JCHAIN: variants seen among roughly 807,000 people sequenced by gnomAD.
JCHAIN encodes the protein joining chain of multimeric IgA and IgM.
JCHAIN carries 5 observed loss-of-function variants against 11.1 expected under a neutral mutation model. The observed-to-expected ratio is 0.45, with a 90% CI of 0.24 to 0.95. The LOEUF (loss-of-function observed/expected upper bound fraction) is 0.95. Ranked by LOEUF, JCHAIN falls within the 40% of genes least tolerant of loss-of-function variation. The pLI, the probability that JCHAIN is intolerant of heterozygous loss-of-function variation, is 0.21. For missense variants in JCHAIN, 165 were observed against 192.7 expected (o/e 0.86, Z 0.85); for synonymous variants, 51 against 67.8 (o/e 0.75, Z 1.22).
rs1468555119 is a variant in JCHAIN, at chr4:70,656,156, A to G, written c.*173T>C. On this transcript the variant is annotated 3_prime_UTR_variant, in exon 4 of 4. Transcript: ENST00000254801. Reference sequence around the variant, plus strand: ...TAATTAAGAAGTGATTACCTAATAAAGATAACAATGTGACTATTTTAATTA... The same window carrying G: ...TAATTAAGAAGTGATTACCTAATAAGGATAACAATGTGACTATTTTAATTA... The G allele has an allele frequency of 1.0e-5, 6 of 599,074 alleles. No individual in the cohort carries two copies. In the South Asian group the frequency reaches 1.3e-4, roughly 13 times the overall value. 37.1% of individuals were successfully genotyped at this position (599,074 alleles called of 1,614,324 possible). A position where few individuals can be genotyped will look rare whatever the true frequency, so the allele number is the denominator to read the frequency against.
At position 70,666,420 on chromosome 4, in the gene JCHAIN, C is replaced by T. The variant is rs972452200; in HGVS notation, c.64+7G>A. ...TGATCTGGGATCATTTTCTAAATAT[C>T]ACATACCTTTCACATGAACAGCCTT... On this transcript the variant is annotated splice_region_variant and intron_variant, in intron 1 of 3. Coordinates refer to ENST00000254801, the MANE Select transcript of JCHAIN (RefSeq NM_144646.4). 1 of 1,592,942 alleles carries T rather than the reference C, an allele frequency of 6.3e-7. No individual in the cohort carries two copies. The highest frequency in any genetic ancestry group is 1.7e-5 in the Admixed American group (1 of 59,972).
chr4:70,662,845 G>A (rs1461757673), intron 1 of JCHAIN, among the ~76,000 whole-genome samples: 1 of 151,866 alleles, frequency 6.6e-6, no homozygotes, highest in Non-Finnish European at 1.5e-5. Context: ...TGTAGTCCCA[G>A]CTACTCAAGA....
intron 1 of JCHAIN, among the ~76,000 whole-genome samples, chr4:70,662,633 T>C (rs900487228): frequency 6.6e-6 from 1 of 152,308 alleles, no homozygotes. Flanking sequence ...TCATAGTACA[T>C]GATTCAATTT....
chr4:70,661,374 T>C (rs1739055982), intron 2 of JCHAIN, among the ~76,000 whole-genome samples: 1 of 152,236 alleles, frequency 6.6e-6, no homozygotes, highest in Admixed American at 6.5e-5. Flanking sequence ...CTTATCTCGA[T>C]GCAGACATCT....
rs914598171 is a variant in JCHAIN, at chr4:70,662,089, T to C, written c.188+3A>G. 1 of 1,613,428 alleles carries C rather than the reference T, an allele frequency of 6.2e-7. No homozygotes were observed. The highest frequency in any genetic ancestry group is 8.5e-7 in the Non-Finnish European group (1 of 1,179,674). On this transcript the variant is annotated splice_donor_region_variant and intron_variant, in intron 2 of 3. Coordinates refer to ENST00000254801, the MANE Select transcript of JCHAIN (RefSeq NM_144646.4). The stretch of plus-strand genomic sequence containing the variant: ...AAAAAAAGGAATATGGAATGCCACA[T>C]ACATAATTCGGATGTTTCTCTCCAC...
At chr4:70,666,283 T>A (rs2148529820) in intron 1 of JCHAIN, 144 bp downstream of exon 1, 1 of 592,740 alleles carries the variant, frequency 1.7e-6, no homozygotes, top group Non-Finnish European at 3.0e-6. Context: ...TAAAGACAAC[T>A]GCCATAGAAA....
Position 70,656,266 on chromosome 4 carries a change from C to A in JCHAIN, c.*63G>T. 5 of 1,127,838 alleles carry A rather than the reference C, an allele frequency of 4.4e-6. No homozygotes were observed. The highest frequency in any genetic ancestry group is 5.2e-6 in the Non-Finnish European group (4 of 764,930). The allele number at this position is 1,127,838 out of a possible 1,614,324, so 69.9% of individuals were successfully genotyped here. On this transcript the variant is annotated 3_prime_UTR_variant, in exon 4 of 4. Coordinates refer to ENST00000254801, the MANE Select transcript of JCHAIN (RefSeq NM_144646.4). ...AATTCATTGGTAATAAATATGCTAA[C>A]TTTCTGAATCAAAATGGAGAGCCTC...
Position 70,666,459 on chromosome 4 carries a change from A to G in JCHAIN, c.32T>C (p.Leu11Pro), listed in dbSNP as rs750151829. Residue 11 changes from leucine to proline, a missense_variant, in exon 1 of 4, where the codon CTG (leucine) becomes CCG (proline). Transcript: ENST00000254801. MKNHLLFWGV[L>P]AVFIKAVHVK... ...ATGAACAGCCTTAATAAAAACCGCC[A>G]GGACTCCCCAGAAAAGCAAATGGTT... 5 of 1,613,172 alleles carry G rather than the reference A, an allele frequency of 3.1e-6. No individual in the cohort carries two copies.
intron 1 of JCHAIN, 30 bp downstream of exon 1, chr4:70,666,397 A>G: frequency 6.6e-7 from 1 of 1,509,530 alleles, no homozygotes; most frequent in Non-Finnish European, 9.2e-7. Context: ...TTTTCCTTTG[A>G]TCTGGGATCA....
intron 2 of JCHAIN, among the ~76,000 whole-genome samples, chr4:70,660,636 G>A (rs1739036654): frequency 6.6e-6 from 1 of 151,972 alleles, no homozygotes; most frequent in Non-Finnish European, 1.5e-5. Flanking sequence ...CACCCGCCTC[G>A]GCCTCCCAAA....
At position 70,658,525 on chromosome 4, in the gene JCHAIN, A is replaced by G. The variant is rs186633291; in HGVS notation, c.189-1234T>C. On this transcript the variant is annotated intron_variant, in intron 2 of 3. Coordinates refer to ENST00000254801, the MANE Select transcript of JCHAIN (RefSeq NM_144646.4). Reference sequence around the variant, plus strand: ...ACGTACCATGCTTTTCTCATCTCCCATCTTAACAATAACAGTTCTAACATA... The same window carrying G: ...ACGTACCATGCTTTTCTCATCTCCCGTCTTAACAATAACAGTTCTAACATA... 1.3e-5 allele frequency among the ~76,000 whole-genome samples: 2 copies of G among 152,268 alleles called. 1 individual carries two copies. The highest frequency in any genetic ancestry group is 4.8e-5 in the African/African-American group (2 of 41,558).
intron 1 of JCHAIN, 94 bp downstream of exon 1, chr4:70,666,333 C>T (rs1350855197): frequency 3.6e-6 from 3 of 826,786 alleles, no homozygotes; most frequent in Non-Finnish European, 5.8e-6. Context: ...GCTAACTGGC[C>T]AACCAAAGCA....
At chr4:70,659,132 A>G (rs2148527886) in intron 2 of JCHAIN, among the ~76,000 whole-genome samples, 1 of 152,322 alleles carries the variant, frequency 6.6e-6, no homozygotes, top group Non-Finnish European at 1.5e-5. Context: ...ACAACCCTAT[A>G]AAGTATATGT....
At chr4:70,661,516 G>A (rs886852176) in intron 2 of JCHAIN, among the ~76,000 whole-genome samples, 11 of 152,168 alleles carry the variant, frequency 7.2e-5, no homozygotes, top group Non-Finnish European at 1.2e-4. Context: ...TTGGCCAGGC[G>A]TGGTGGTTCA....
At chr4:70,659,508 C>G (rs1306045179) in intron 2 of JCHAIN, among the ~76,000 whole-genome samples, 1 of 124,156 alleles carries the variant, frequency 8.1e-6, no homozygotes, top group Non-Finnish European at 1.6e-5. Flanking sequence ...CAAGATCATG[C>G]TACTGCACTC....
At chr4:70,660,432 G>C (rs1399836632) in intron 2 of JCHAIN, among the ~76,000 whole-genome samples, 1 of 149,326 alleles carries the variant, frequency 6.7e-6, no homozygotes, top group Non-Finnish European at 1.5e-5. Context: ...CCAGGCTGGA[G>C]TGCAGCAATG....
rs35627461 is a variant in JCHAIN at position 70,659,549 on chromosome 4, CAAAAAAAA to C, written c.189-2266_189-2259del. ...TGGGCAACAGAGTGAGACTCTGTCT[CAAAAAAAA>C]AAAAAAAAAAAAAAAAAAAAAAAGC... is the stretch of plus-strand genomic sequence containing the variant. On this transcript the variant is annotated intron_variant, in intron 2 of 3. Coordinates refer to ENST00000254801, the MANE Select transcript of JCHAIN (RefSeq NM_144646.4). 7.9e-4 allele frequency among the ~76,000 whole-genome samples: 13 copies of C among 16,552 alleles called. No homozygotes were observed. The East Asian group carries it at 0.018, about 23-fold the overall frequency. 10.9% of individuals were successfully genotyped at this position (16,552 alleles called of 152,430 possible). A position where few individuals can be genotyped will look rare whatever the true frequency, so the allele number is the denominator to read the frequency against.
chr4:70,657,495 A>G (rs6815323), intron 2 of JCHAIN, among the ~76,000 whole-genome samples: 6,127 of 152,244 alleles, frequency 0.04, 409 homozygotes, highest in African/African-American at 0.14. Context: ...AAACCTCACA[A>G]CAACTCCGCT....
chr4:70,664,714 A>C (rs1739120036), intron 1 of JCHAIN, among the ~76,000 whole-genome samples: 1 of 152,198 alleles, frequency 6.6e-6, no homozygotes, highest in South Asian at 2.1e-4. Flanking sequence ...TGACTCTTAA[A>C]AGTTTTTTCT....
Sources: gnomAD v4.1 joint callset for allele counts (sites outside exome capture counted in the v4.1 genomes callset) on GRCh38, gnomAD v4.1.1 for gene constraint, MANE v1.5 for transcripts, NCBI Gene and HGNC (gene_info 2026-07-23, HGNC 2026-07-21) for gene names.